The following KDM5C variants were observed in gnomAD, a reference collection of about 807,000 sequenced individuals.
KDM5C encodes the protein lysine-specific demethylase 5C.
KDM5C carries 16 observed loss-of-function variants against 110.6 expected under a neutral mutation model. The ratio of observed to expected loss-of-function variants is 0.14; its 90% confidence interval spans 0.10 to 0.22. The LOEUF (loss-of-function observed/expected upper bound fraction) is 0.22. KDM5C is among the 10% of genes least tolerant of loss of function. The probability of loss-of-function intolerance (pLI) is 1.00; values close to 1 mark genes in which losing one functional copy is unlikely to be tolerated. For synonymous variants in KDM5C, 511 were observed against 520.4 expected, an observed-to-expected ratio of 0.98 and a Z score of 0.24; for missense variants, 681 against 1,300.9, an observed-to-expected ratio of 0.52 and a Z score of 7.33.
Position 53,215,952 on chromosome X carries a change from G to C in KDM5C, c.806C>G (p.Pro269Arg). Residue 269 changes from proline (P) to arginine (R), a missense_variant, in exon 7 of 26, where the codon CCC becomes CGC. Coordinates refer to ENST00000375401, the MANE Select transcript of KDM5C (RefSeq NM_004187.5). ...KKDKEGPECPPTVVVKEELGG... is the reference protein window; with the variant it reads ...KKDKEGPECPRTVVVKEELGG... Reference sequence around the variant, plus strand: ...TAACTCCTCCTTCACCACTACTGTGGGGGGACACTCAGGCCCCTCCTTATC... The same window carrying C: ...TAACTCCTCCTTCACCACTACTGTGCGGGGACACTCAGGCCCCTCCTTATC... 8.3e-7 allele frequency: 1 copy of C among 1,211,849 alleles called. No individual in the cohort carries two copies. Among genetic ancestry groups the C allele is most frequent in the Non-Finnish European group, 1.1e-6 (1 of 895,398 alleles).
At chrX:53,220,647 G>A (rs2073870114) in intron 2 of KDM5C, among the ~76,000 whole-genome samples, 192 bp downstream of exon 2, 1 of 112,308 alleles carries the variant, frequency 8.9e-6, no homozygotes. Context: ...AAATGCCCCT[G>A]GCTCTTGGTT....
At chrX:53,197,101 AC>A in intron 18 of KDM5C, 57 bp from the exon 19 acceptor site, 1 of 921,287 alleles carries the variant, frequency 1.1e-6, no homozygotes, top group East Asian at 3.2e-5. Flanking sequence ...GAGGGGTTCC[AC>A]CACCAGATGG....
Position 53,201,565 on chromosome X carries a change from C to T in KDM5C, c.2046G>A (p.Lys682=), listed in dbSNP as rs2146864187. Reference sequence around the variant, plus strand: ...CTCTCCCCACCTTCTCCAGCAGGGCCTTTCGTAGACGCCGCTCTTCTTGCA... The same window carrying T: ...CTCTCCCCACCTTCTCCAGCAGGGCTTTTCGTAGACGCCGCTCTTCTTGCA... ...IMVQEERRLR[K]ALLEKGITEA... Residue 682 remains lysine, a synonymous_variant, in exon 14 of 26, where the codon AAG becomes AAA. Transcript: ENST00000375401. 1 of 1,211,600 alleles carries T rather than the reference C, an allele frequency of 8.3e-7. No homozygotes were observed. Among genetic ancestry groups the T allele is most frequent in the Non-Finnish European group, 1.1e-6 (1 of 895,400 alleles).
At position 53,192,702 on chromosome X, in the gene KDM5C, T is replaced by G; in HGVS notation, c.*265A>C. On this transcript the variant is annotated 3_prime_UTR_variant, in exon 26 of 26. Coordinates refer to ENST00000375401, the MANE Select transcript of KDM5C (RefSeq NM_004187.5). Reference sequence around the variant, plus strand: ...AGCCACCCCCCTGCCCACCAGCCCATCCATCTATCTGCCTCAGGTGTCTGG... The same window carrying G: ...AGCCACCCCCCTGCCCACCAGCCCAGCCATCTATCTGCCTCAGGTGTCTGG... 1 of 862,499 alleles carries G rather than the reference T, an allele frequency of 1.2e-6. No individual in the cohort carries two copies. The highest frequency in any genetic ancestry group is 1.6e-6 in the Non-Finnish European group (1 of 616,703). The allele number at this position is 862,499 out of a possible 1,213,427, so 71.1% of individuals were successfully genotyped here. A position where few individuals can be genotyped will look rare whatever the true frequency, so the allele number is the denominator to read the frequency against.
At chrX:53,221,428 T>C (rs782423539) in intron 1 of KDM5C, among the ~76,000 whole-genome samples, 2 of 111,827 alleles carry the variant, frequency 1.8e-5, no homozygotes, top group African/African-American at 6.5e-5. Context: ...ATATGAACTC[T>C]AGCCCTGGCT....
chrX:53,192,861 A>ACCCCCCCC lies in KDM5C; in HGVS notation c.*105_*106insGGGGGGGG. 2.0e-6 allele frequency: 1 copy of ACCCCCCCC among 502,015 alleles called. No homozygotes were observed. 41.4% of individuals were successfully genotyped at this position (502,015 alleles called of 1,213,427 possible). A position where few individuals can be genotyped will look rare whatever the true frequency, so the allele number is the denominator to read the frequency against. ...GGGTGGGCGGGTAGCAGGGATGGCC[A>ACCCCCCCC]CCCCCCTACCCGCCCACCCCCCAAG... On this transcript the variant is annotated 3_prime_UTR_variant, in exon 26 of 26. Coordinates refer to ENST00000375401, the MANE Select transcript of KDM5C (RefSeq NM_004187.5).
At position 53,198,656 on chromosome X, in the gene KDM5C, C is replaced by T. The variant is rs2073045420; in HGVS notation, c.2369-19G>A. ...TCAAGGCCTGGAAGAAAAATGAGGG[C>T]AGCAAAGAGTAGGCAGTATTGAATA... On this transcript the variant is annotated intron_variant, in intron 16 of 25. Coordinates refer to ENST00000375401, the MANE Select transcript of KDM5C (RefSeq NM_004187.5). 8.3e-7 allele frequency: 1 copy of T among 1,210,282 alleles called. No individual in the cohort carries two copies. The highest frequency in any genetic ancestry group is 1.7e-5 in the African/African-American group (1 of 57,198).
At chrX:53,194,826 C>T (rs1934708414) in intron 22 of KDM5C, 88 bp from the exon 23 acceptor site, 1 of 1,194,474 alleles carries the variant, frequency 8.4e-7, no homozygotes, top group East Asian at 3.0e-5. Flanking sequence ...ACTCCCAAAC[C>T]AGGAGAACTG....
intron 12 of KDM5C, among the ~76,000 whole-genome samples, chrX:53,208,408 T>C (rs1207297977): frequency 1.7e-5 from 1 of 60,291 alleles, no homozygotes; most frequent in East Asian, 4.3e-4. Flanking sequence ...TACATATATA[T>C]ACACATACAT....
At chrX:53,215,632 CAT>C (rs1556851393) in intron 7 of KDM5C, 161 bp downstream of exon 7, 3 of 515,747 alleles carry the variant, frequency 5.8e-6, no homozygotes, top group South Asian at 2.8e-5. Flanking sequence ...CTCTTTGTTC[CAT>C]ATGAGTTGGC....
Position 53,208,524 on chromosome X carries a change from A to G in KDM5C, c.1746+1890T>C, listed in dbSNP as rs868930321. On this transcript the variant is annotated intron_variant, in intron 12 of 25. Coordinates refer to ENST00000375401, the MANE Select transcript of KDM5C (RefSeq NM_004187.5). The stretch of plus-strand genomic sequence containing the variant: ...CTTTTTTTTTTTTTTTTTTTTTTGA[A>G]ATGGAGTCTCTCCACCTGTTGCCCA... Among the ~76,000 whole-genome samples, 247 of 83,684 alleles carry G rather than the reference A, an allele frequency of 3.0e-3. 3 individuals carry two copies. Among genetic ancestry groups the G allele is most frequent in the African/African-American group, 0.011 (232 of 20,541 alleles). The allele number at this position is 83,684 out of a possible 115,157, so 72.7% of individuals were successfully genotyped here. A position where few individuals can be genotyped will look rare whatever the true frequency, so the allele number is the denominator to read the frequency against.
chrX:53,211,678 TGACTATGGCCCATCACACCCTG>T (rs782797083), intron 9 of KDM5C, 23 bp from the exon 10 acceptor site: 1 of 1,211,344 alleles, frequency 8.3e-7, no homozygotes, highest in Non-Finnish European at 1.1e-6. Flanking sequence ...AGGTAGCAGA[TGACTATGGCCCATCACACCCTG>T]GACCCACTGA....
intron 12 of KDM5C, among the ~76,000 whole-genome samples, chrX:53,204,967 T>C (rs989274679): frequency 4.5e-5 from 5 of 112,260 alleles, no homozygotes; most frequent in African/African-American, 1.6e-4. Flanking sequence ...TTCTCATCTA[T>C]CTGTTTTCTA....
intron 17 of KDM5C, 38 bp downstream of exon 17, chrX:53,198,452 G>A (rs1556839297): frequency 1.7e-6 from 2 of 1,183,588 alleles, no homozygotes; most frequent in South Asian, 3.7e-5. Context: ...TGGATCCTCA[G>A]CACCTTATGT....
chrX:53,190,379 C>T (rs1004927543), downstream of KDM5C, among the ~76,000 whole-genome samples: 10 of 112,310 alleles, frequency 8.9e-5, no homozygotes, highest in Admixed American at 2.8e-4. Context: ...GGGCCTATAC[C>T]AGGGAGGCCT....
At chrX:53,180,566 C>A (rs1303126410) in intron 25 of KDM5C, among the ~76,000 whole-genome samples, 2 of 109,234 alleles carry the variant, frequency 1.8e-5, no homozygotes, top group Non-Finnish European at 3.8e-5. Flanking sequence ...TGCTGTGGAC[C>A]TAAAACTGCT....
intron 14 of KDM5C, among the ~76,000 whole-genome samples, chrX:53,199,799 C>T (rs782374724): frequency 6.3e-5 from 7 of 111,935 alleles, no homozygotes; most frequent in South Asian, 3.7e-4. Context: ...TTGGAGTAAT[C>T]GAGAGACAAC....
intron 25 of KDM5C, among the ~76,000 whole-genome samples, chrX:53,180,954 T>C (rs1377196591): frequency 9.4e-6 from 1 of 106,433 alleles, no homozygotes; most frequent in Non-Finnish European, 1.9e-5. Context: ...GGTCTCGATC[T>C]CCTGACCTCG....
intron 1 of KDM5C, chrX:53,221,822 G>A (rs2073904532): frequency 1.3e-6 from 1 of 770,833 alleles, no homozygotes; most frequent in Admixed American, 3.2e-5. Context: ...GGAGGATTTG[G>A]GGAGGGAAGT....
Sources: allele counts gnomAD v4.1 joint callset (sites outside exome capture counted in the v4.1 genomes callset), GRCh38; gene constraint gnomAD v4.1.1; transcripts MANE v1.5; gene names NCBI Gene and HGNC (gene_info 2026-07-23, HGNC 2026-07-21).